The following CDK20 variants were observed in gnomAD, a reference collection of about 807,000 sequenced individuals.
CDK20 encodes cyclin dependent kinase 20.
Under a neutral mutation model 38.6 loss-of-function variants are expected in CDK20, and 40 were observed. That is an observed-to-expected ratio of 1.04 (90% confidence interval 0.81 to 1.35). The LOEUF (loss-of-function observed/expected upper bound fraction) is 1.35. Ranked by LOEUF, CDK20 falls within the 40% of genes most tolerant of loss-of-function variation. The pLI, the probability that CDK20 is intolerant of heterozygous loss-of-function variation, is 0.00. For synonymous variants in CDK20, 209 were observed against 185.7 expected (o/e 1.13, Z -1.02); for missense variants, 512 against 452.6 (o/e 1.13, Z -1.19).
intron 3 of CDK20, 58 bp downstream of exon 3, chr9:87,971,089 C>A: frequency 6.4e-7 from 1 of 1,568,614 alleles, no homozygotes; most frequent in South Asian, 1.2e-5. Flanking sequence ...AGGGCTAGCC[C>A]CATCCCCAAG....
chr9:87,972,737 A>G (rs1587627708), intron 2 of CDK20, among the ~76,000 whole-genome samples: 1 of 152,232 alleles, frequency 6.6e-6, no homozygotes, highest in Admixed American at 6.5e-5. Context: ...TTTTAAAGTT[A>G]GAACCTTCAG....
chr9:87,971,090 C>T lies in CDK20; in HGVS notation c.378+57G>A, dbSNP rs1829817661. 10 of 1,569,692 alleles carry T rather than the reference C, an allele frequency of 6.4e-6. No individual in the cohort carries two copies. The Admixed American group carries it at 1.5e-4, about 24-fold the overall frequency. On this transcript the variant is annotated intron_variant, in intron 3 of 7. Coordinates refer to ENST00000325303, the MANE Select transcript of CDK20 (RefSeq NM_001039803.3). ...TCACACCTTTTACAAGGGCTAGCCC[C>T]ATCCCCAAGCCAAGTCAGCTCCCCA...
Position 87,968,871 on chromosome 9 carries a change from ACT to A in CDK20, c.843+321_843+322del, listed in dbSNP as rs1250198106. On this transcript the variant is annotated intron_variant, in intron 7 of 7. Transcript: ENST00000325303. ...GGAATAAAGGAATGAGTCCCCAGTGACTCTCTTACTGTATCTGCCACAGGGTC... is the reference window on the plus strand; with the variant it reads ...GGAATAAAGGAATGAGTCCCCAGTGACTCTTACTGTATCTGCCACAGGGTC... The A allele has an allele frequency of 1.0e-4, 36 of 343,024 alleles. 1 individual carries two copies. The highest frequency in any genetic ancestry group is 3.0e-4 in the South Asian group (6 of 20,118). 21.2% of individuals were successfully genotyped at this position (343,024 alleles called of 1,614,324 possible).
intron 7 of CDK20, 50 bp downstream of exon 7, chr9:87,969,144 G>T (rs766820657): frequency 5.4e-5 from 86 of 1,598,216 alleles, no homozygotes; most frequent in Non-Finnish European, 7.0e-5. Flanking sequence ...GAGTACCAGG[G>T]TGATGGGGAG....
chr9:87,974,435 G>A lies in CDK20; in HGVS notation c.12C>T (p.Tyr4=), dbSNP rs202214490. ...CCTCCCCGATGCGGCCCAGGATGCAGTACTGGTCCATCCCGCTGCAGTCGT... is the reference window on the plus strand; with the variant it reads ...CCTCCCCGATGCGGCCCAGGATGCAATACTGGTCCATCCCGCTGCAGTCGT... MDQ[Y]CILGRIGEGA... Residue 4 remains tyrosine, a synonymous_variant, in exon 1 of 8, where the codon TAC becomes TAT. Transcript: ENST00000325303. 52 of 1,612,510 alleles carry A rather than the reference G, an allele frequency of 3.2e-5. No homozygotes were observed. In the Admixed American group the frequency reaches 8.2e-4, roughly 25 times the overall value.
chr9:87,971,070 C>G, intron 3 of CDK20, 77 bp downstream of exon 3: 2 of 1,532,556 alleles, frequency 1.3e-6, no homozygotes, highest in Non-Finnish European at 1.8e-6. Context: ...TCTTATCACA[C>G]CTTTTACAAG....
At chr9:87,969,635 G>A (rs1442524784) in intron 6 of CDK20, 161 bp downstream of exon 6, 2 of 1,146,700 alleles carry the variant, frequency 1.7e-6, no homozygotes, top group Admixed American at 4.4e-5. Flanking sequence ...CCAAATGACA[G>A]CAGGAAGGAG....
At position 87,967,231 on chromosome 9, in the gene CDK20, C is replaced by T. The variant is rs751092050; in HGVS notation, c.*231G>A. Reference sequence around the variant, plus strand: ...TCAGTAGCACACAGAAGGTAAGGCTCACCGAGCACAGGCCATGAATCTCCT... The same window carrying T: ...TCAGTAGCACACAGAAGGTAAGGCTTACCGAGCACAGGCCATGAATCTCCT... On this transcript the variant is annotated 3_prime_UTR_variant, in exon 8 of 8. Coordinates refer to ENST00000325303, the MANE Select transcript of CDK20 (RefSeq NM_001039803.3). 1.0e-5 allele frequency: 7 copies of T among 692,102 alleles called. No homozygotes were observed. Among genetic ancestry groups the T allele is most frequent in the Non-Finnish European group, 1.9e-5 (7 of 377,060 alleles). The allele number at this position is 692,102 out of a possible 1,614,324, so 42.9% of individuals were successfully genotyped here.
At position 87,967,648 on chromosome 9, in the gene CDK20, A is replaced by G. The variant is rs1829525250; in HGVS notation, c.855T>C (p.His285=). 3 of 1,481,462 alleles carry G rather than the reference A, an allele frequency of 2.0e-6. No homozygotes were observed. The highest frequency in any genetic ancestry group is 1.4e-5 in the South Asian group (1 of 71,766). The allele number at this position is 1,481,462 out of a possible 1,614,324, so 91.8% of individuals were successfully genotyped here. Residue 285 remains histidine, a synonymous_variant, in exon 8 of 8, where the codon CAT becomes CAC. Transcript: ENST00000325303. ...QRIAASKALL[H]QYFFTAPLPA... is the part of the protein sequence containing the mutation. ...GCAGGGGAGCTGTGAAGAAGTACTGATGGAGGAGAGCCTGAGGGTGGCAAG... is the reference window on the plus strand; with the variant it reads ...GCAGGGGAGCTGTGAAGAAGTACTGGTGGAGGAGAGCCTGAGGGTGGCAAG...
At chr9:87,969,988 G>A (rs1829739660) in intron 5 of CDK20, 69 bp from the exon 6 acceptor site, 2 of 1,477,282 alleles carry the variant, frequency 1.4e-6, no homozygotes, top group African/African-American at 1.4e-5. Context: ...CCACAGAGCA[G>A]CTCTAACACT....
chr9:87,969,907 G>A lies in CDK20; in HGVS notation c.576C>T (p.Cys192=). ...ACCCATTCAACAGCTCCCCCATGAT[G>A]CAGCCCACAGACCTGTGGACACAGA... The part of the protein sequence containing the change: ...DQGVDLWSVG[C]IMGELLNGSP... The change falls in exon 6 of 8, where the codon TGC becomes TGT. Residue 192 remains cysteine (C), a synonymous_variant. Coordinates refer to ENST00000325303, the MANE Select transcript of CDK20 (RefSeq NM_001039803.3). 1.9e-6 allele frequency: 3 copies of A among 1,581,484 alleles called. No individual in the cohort carries two copies. The highest frequency in any genetic ancestry group is 2.6e-6 in the Non-Finnish European group (3 of 1,162,786).
At chr9:87,970,377 C>G in intron 5 of CDK20, 191 bp downstream of exon 5, 1 of 593,134 alleles carries the variant, frequency 1.7e-6, no homozygotes, top group Non-Finnish European at 3.0e-6. Context: ...CACCTGGCCC[C>G]TACCCAGCTC....
At chr9:87,974,152 C>T (rs1280991172) in intron 1 of CDK20, 117 bp from the exon 2 acceptor site, 24 of 1,542,922 alleles carry the variant, frequency 1.6e-5, no homozygotes, top group Non-Finnish European at 2.1e-5. Flanking sequence ...GCCAGAGGCC[C>T]TCCTCGGGGG....
At chr9:87,971,439 AAGAC>A in intron 2 of CDK20, 104 bp from the exon 3 acceptor site, 1 of 1,029,058 alleles carries the variant, frequency 9.7e-7, no homozygotes, top group Non-Finnish European at 1.4e-6. Context: ...TGTATCCAAA[AAGAC>A]AGTAAGCAAA....
chr9:87,974,470 C>A lies in CDK20; in HGVS notation c.-24G>T. 1 of 1,597,240 alleles carries A rather than the reference C, an allele frequency of 6.3e-7. No individual in the cohort carries two copies. The highest frequency in any genetic ancestry group is 8.5e-7 in the Non-Finnish European group (1 of 1,171,472). On this transcript the variant is annotated 5_prime_UTR_variant, in exon 1 of 8. Coordinates refer to ENST00000325303, the MANE Select transcript of CDK20 (RefSeq NM_001039803.3). ...ATCCCGCTGCAGTCGTGGGCCTGTGCCCCTGTGCCCCTGAACTTCCAAACT... is the reference window on the plus strand; with the variant it reads ...ATCCCGCTGCAGTCGTGGGCCTGTGACCCTGTGCCCCTGAACTTCCAAACT...
At chr9:87,972,124 G>A (rs28364946) in intron 2 of CDK20, among the ~76,000 whole-genome samples, 4,224 of 152,244 alleles carry the variant, frequency 0.028, 79 homozygotes, top group Middle Eastern at 0.11. Context: ...AGGATCACCT[G>A]AGCCCAGGAG....
chr9:87,971,365 G>A, intron 2 of CDK20, 30 bp from the exon 3 acceptor site: 1 of 1,584,960 alleles, frequency 6.3e-7, no homozygotes, highest in South Asian at 1.1e-5. Context: ...TTAGCCCCCA[G>A]ACTCAAGTCA....
intron 2 of CDK20, among the ~76,000 whole-genome samples, chr9:87,971,586 G>T (rs1296380938): frequency 1.3e-5 from 2 of 152,102 alleles, no homozygotes; most frequent in African/African-American, 4.8e-5. Context: ...TCATTTAGTG[G>T]CACCATCTGG....
Position 87,970,604 on chromosome 9 carries a change from T to A in CDK20, c.527A>T (p.Tyr176Phe), listed in dbSNP as rs746155488. The A allele has an allele frequency of 1.2e-5, 20 of 1,613,994 alleles. No individual in the cohort carries two copies. Among genetic ancestry groups the A allele is most frequent in the Non-Finnish European group, 1.5e-5 (18 of 1,179,968 alleles). Reference sequence around the variant, plus strand: ...GCCCTGGTCATACTGGCGGGCACCATACAGGAGCTCGGGGGCTCGGTACCA... The same window carrying A: ...GCCCTGGTCATACTGGCGGGCACCAAACAGGAGCTCGGGGGCTCGGTACCA... ...TRWYRAPELLYGARQYDQGVD... is the reference protein window; with the variant it reads ...TRWYRAPELLFGARQYDQGVD... The change falls in exon 5 of 8, where the codon TAT becomes TTT. Residue 176 changes from tyrosine (Y) to phenylalanine (F), a missense_variant. Transcript: ENST00000325303.
Sources: gnomAD v4.1 joint callset for allele counts (sites outside exome capture counted in the v4.1 genomes callset) on GRCh38, gnomAD v4.1.1 for gene constraint, MANE v1.5 for transcripts, NCBI Gene and HGNC (gene_info 2026-07-23, HGNC 2026-07-21) for gene names.